Variants in PPP1R14C observed in about 807,000 individuals in gnomAD.
The protein encoded by PPP1R14C is protein phosphatase 1 regulatory subunit 14C.
Under a neutral mutation model 20.4 loss-of-function variants are expected in PPP1R14C, and 16 were observed. That is an observed-to-expected ratio of 0.78 (90% CI 0.53 to 1.19). The LOEUF (loss-of-function observed/expected upper bound fraction) is 1.19, where lower values mean the gene tolerates loss of function less well. Ranked by LOEUF, PPP1R14C falls within the 50% of genes most tolerant of loss-of-function variation. The probability of loss-of-function intolerance (pLI) is 0.00; values close to 1 mark genes in which losing one functional copy is unlikely to be tolerated. For synonymous variants in PPP1R14C, 91 were observed against 91.0 expected, an observed-to-expected ratio of 1.00 and a Z score of 0.00; for missense variants, 211 against 220.1, an observed-to-expected ratio of 0.96 and a Z score of 0.26.
intron 3 of PPP1R14C, among the ~76,000 whole-genome samples, chr6:150,220,156 A>G (rs1450845976): frequency 1.3e-5 from 2 of 152,208 alleles, no homozygotes; most frequent in Non-Finnish European, 2.9e-5. Flanking sequence ...CGCCCGGCCA[A>G]GACTGTTTGG....
intron 3 of PPP1R14C, among the ~76,000 whole-genome samples, chr6:150,230,314 C>T (rs1778279325): frequency 6.6e-6 from 1 of 152,224 alleles, no homozygotes. Flanking sequence ...AGCTGCTTCA[C>T]AGGAAACTCA....
rs373095864 is a variant in PPP1R14C at position 150,222,316 on chromosome 6, G to C, written c.423+5460G>C. On this transcript the variant is annotated intron_variant, in intron 3 of 3. Coordinates refer to ENST00000361131, the MANE Select transcript of PPP1R14C (RefSeq NM_030949.3). ...TATTTAGAGCAGTTTTAGGTTCACA[G>C]TGAAATTGACTAGAAGGTACAGATT... 2.6e-4 allele frequency among the ~76,000 whole-genome samples: 39 copies of C among 152,262 alleles called. 1 individual carries two copies. In the South Asian group the frequency reaches 5.4e-3, roughly 21 times the overall value.
At chr6:150,198,625 T>C (rs1777839091) in intron 1 of PPP1R14C, among the ~76,000 whole-genome samples, 1 of 152,202 alleles carries the variant, frequency 6.6e-6, no homozygotes, top group Non-Finnish European at 1.5e-5. Flanking sequence ...TGAGAAACAC[T>C]GAGGGACCTC....
At chr6:150,196,521 C>T (rs1456666219) in intron 1 of PPP1R14C, among the ~76,000 whole-genome samples, 1 of 151,742 alleles carries the variant, frequency 6.6e-6, no homozygotes, top group Non-Finnish European at 1.5e-5. Flanking sequence ...GTTCCCTGCT[C>T]AGGAGAAAAT....
At chr6:150,206,003 G>A (rs980437793) in intron 1 of PPP1R14C, among the ~76,000 whole-genome samples, 6 of 151,840 alleles carry the variant, frequency 4.0e-5, no homozygotes, top group African/African-American at 7.3e-5. Context: ...TCTTGCTCAC[G>A]GTACAAGTCA....
chr6:150,192,994 C>T lies in PPP1R14C; in HGVS notation c.307-21750C>T, dbSNP rs536006558. Reference sequence around the variant, plus strand: ...GACCTTTTAGTGGGAGGGAGATAGACCCTGGAATATTCTGAGTGATCAGTT... The same window carrying T: ...GACCTTTTAGTGGGAGGGAGATAGATCCTGGAATATTCTGAGTGATCAGTT... On this transcript the variant is annotated intron_variant, in intron 1 of 3. Transcript: ENST00000361131. Among the ~76,000 whole-genome samples, 8 of 152,284 alleles carry T rather than the reference C, an allele frequency of 5.3e-5. No individual in the cohort carries two copies. The South Asian group carries it at 1.5e-3, about 28-fold the overall frequency.
chr6:150,162,591 T>G (rs1777382409), intron 1 of PPP1R14C, among the ~76,000 whole-genome samples: 1 of 152,182 alleles, frequency 6.6e-6, no homozygotes, highest in Admixed American at 6.5e-5. Context: ...TCCACTTGGC[T>G]CTTGAAGGAC....
At chr6:150,179,425 AGGAG>A (rs549534470) in intron 1 of PPP1R14C, among the ~76,000 whole-genome samples, 2 of 102,122 alleles carry the variant, frequency 2.0e-5, no homozygotes, top group Non-Finnish European at 3.8e-5. Flanking sequence ...AGAGAAAGAA[AGGAG>A]GGAGGGAGGG....
chr6:150,193,890 G>A (rs1049530347), intron 1 of PPP1R14C, among the ~76,000 whole-genome samples: 2 of 152,088 alleles, frequency 1.3e-5, no homozygotes, highest in African/African-American at 4.8e-5. Flanking sequence ...ACATGGTTTG[G>A]CTGTGTCCCC....
chr6:150,194,985 G>C (rs574826445), intron 1 of PPP1R14C: 1 of 984,890 alleles, frequency 1.0e-6, no homozygotes, highest in Non-Finnish European at 1.2e-6. Flanking sequence ...AAAAGAATAT[G>C]TGTCTGCTTT....
At chr6:150,234,848 CAAAAAAAAAAAAAAAAA>C (rs56139981) in intron 3 of PPP1R14C, among the ~76,000 whole-genome samples, 20 of 41,834 alleles carry the variant, frequency 4.8e-4, no homozygotes, top group African/African-American at 1.6e-3. Flanking sequence ...GACTCTGTCT[CAAAAAAAAAAAAAAAAA>C]AAAAAAAAAA....
At chr6:150,165,055 T>C (rs1196676525) in intron 1 of PPP1R14C, among the ~76,000 whole-genome samples, 1 of 152,230 alleles carries the variant, frequency 6.6e-6, no homozygotes, top group Non-Finnish European at 1.5e-5. Context: ...GCTTCCAGAA[T>C]GGTGAGAAAT....
intron 3 of PPP1R14C, among the ~76,000 whole-genome samples, chr6:150,243,240 A>G (rs959960995): frequency 1.3e-4 from 20 of 151,102 alleles, no homozygotes; most frequent in African/African-American, 4.7e-4. Context: ...CAATGGCACA[A>G]TCTTGGCTCA....
chr6:150,173,487 T>C (rs576656604), intron 1 of PPP1R14C, among the ~76,000 whole-genome samples: 1 of 152,248 alleles, frequency 6.6e-6, no homozygotes, highest in East Asian at 1.9e-4. Flanking sequence ...AAATGACTCT[T>C]CTCAGGGGGC....
rs574558238 is a variant in PPP1R14C, at chr6:150,245,877, G to A, written c.424-2869G>A. Among the ~76,000 whole-genome samples the A allele has an allele frequency of 3.9e-5, 6 of 152,208 alleles. 1 individual carries two copies. Among genetic ancestry groups the A allele is most frequent in the East Asian group, 3.9e-4 (2 of 5,192 alleles). On this transcript the variant is annotated intron_variant, in intron 3 of 3. Coordinates refer to ENST00000361131, the MANE Select transcript of PPP1R14C (RefSeq NM_030949.3). ...GGTCTTGCTATTTTTTAACTTACTC[G>A]ACTGAGCACCCCATTATGCAAATTT...
chr6:150,206,491 C>T (rs558195196), intron 1 of PPP1R14C, among the ~76,000 whole-genome samples: 2 of 152,228 alleles, frequency 1.3e-5, no homozygotes, highest in East Asian at 1.9e-4. Flanking sequence ...AATAATCTGA[C>T]GTAACCCGTG....
chr6:150,207,020 A>T (rs60476674), intron 1 of PPP1R14C, among the ~76,000 whole-genome samples: 220 of 151,600 alleles, frequency 1.5e-3, no homozygotes, highest in African/African-American at 5.0e-3. Context: ...ACATGCCACT[A>T]TCCTCGTCTA....
At chr6:150,148,498 C>T (rs575380672) in intron 1 of PPP1R14C, among the ~76,000 whole-genome samples, 11 of 152,238 alleles carry the variant, frequency 7.2e-5, no homozygotes, top group Non-Finnish European at 1.3e-4. Flanking sequence ...GAGGACACCA[C>T]TGTTAGCGGG....
intron 1 of PPP1R14C, among the ~76,000 whole-genome samples, chr6:150,177,595 C>T (rs1333944018): frequency 1.3e-5 from 2 of 152,170 alleles, no homozygotes; most frequent in African/African-American, 4.8e-5. Context: ...TCTCTCTCTC[C>T]CCGGTAGGGT....
Sources: allele counts gnomAD v4.1 joint callset (sites outside exome capture counted in the v4.1 genomes callset), GRCh38; gene constraint gnomAD v4.1.1; transcripts MANE v1.5; gene names NCBI Gene and HGNC (gene_info 2026-07-23, HGNC 2026-07-21).